The following PRSS12 variants were observed in gnomAD, a reference collection of about 807,000 sequenced individuals.
PRSS12 encodes neurotrypsin.
Under a neutral mutation model 104.4 loss-of-function variants are expected in PRSS12, and 85 were observed. The observed-to-expected ratio is 0.81, with a 90% CI of 0.68 to 0.98. The LOEUF (loss-of-function observed/expected upper bound fraction) is 0.98, where lower values mean the gene tolerates loss of function less well. Ranked by LOEUF, PRSS12 falls within the 50% of genes least tolerant of loss-of-function variation. The pLI, the probability that PRSS12 is intolerant of heterozygous loss-of-function variation, is 0.00. For synonymous variants in PRSS12, 454 were observed against 425.2 expected (o/e 1.07, Z -0.83); for missense variants, 1,141 against 1,139.2 (o/e 1.00, Z -0.02).
chr4:118,290,288 T>C (rs1395811374), intron 11 of PRSS12, among the ~76,000 whole-genome samples: 1 of 152,180 alleles, frequency 6.6e-6, no homozygotes, highest in African/African-American at 2.4e-5. Flanking sequence ...TAACCTCAAG[T>C]GCAACTTTTG....
intron 7 of PRSS12, among the ~76,000 whole-genome samples, chr4:118,309,834 T>C (rs1743659038): frequency 6.6e-6 from 1 of 152,188 alleles, no homozygotes; most frequent in Non-Finnish European, 1.5e-5. Context: ...TCAACATTGG[T>C]TAACTAAAAG....
chr4:118,295,647 G>A (rs1743236016), intron 10 of PRSS12, 131 bp downstream of exon 10: 1 of 870,992 alleles, frequency 1.1e-6, no homozygotes, highest in Admixed American at 2.0e-5. Context: ...AATTATCAGT[G>A]AAATCTGAAT....
intron 9 of PRSS12, among the ~76,000 whole-genome samples, chr4:118,297,279 A>C (rs577648235): frequency 6.6e-6 from 1 of 152,318 alleles, no homozygotes; most frequent in African/African-American, 2.4e-5. Context: ...GATATCAAAA[A>C]GAATATTGCT....
chr4:118,324,365 T>C (rs1232387036), intron 4 of PRSS12, among the ~76,000 whole-genome samples: 1 of 152,102 alleles, frequency 6.6e-6, no homozygotes, highest in African/African-American at 2.4e-5. Context: ...AATATTAATA[T>C]AACTTTCATA....
intron 7 of PRSS12, among the ~76,000 whole-genome samples, chr4:118,310,019 A>G (rs1743665382): frequency 6.6e-6 from 1 of 152,218 alleles, no homozygotes; most frequent in South Asian, 2.1e-4. Context: ...ATCAAACTCA[A>G]CAAATGTTTA....
At chr4:118,336,553 G>A (rs1388896435) in intron 2 of PRSS12, among the ~76,000 whole-genome samples, 15 of 151,988 alleles carry the variant, frequency 9.9e-5, no homozygotes, top group Admixed American at 3.3e-4. Flanking sequence ...TGATTTTATC[G>A]TGCAATTCCT....
chr4:118,315,747 A>T (rs1743888563), intron 6 of PRSS12, among the ~76,000 whole-genome samples: 1 of 152,240 alleles, frequency 6.6e-6, no homozygotes, highest in Non-Finnish European at 1.5e-5. Context: ...TTTTTCTCAA[A>T]TAAAAGTGAT....
intron 8 of PRSS12, among the ~76,000 whole-genome samples, chr4:118,306,172 T>C (rs1334669341): frequency 1.3e-5 from 2 of 152,212 alleles, no homozygotes; most frequent in Non-Finnish European, 1.5e-5. Context: ...GGCTGTACCA[T>C]TCTACATTCC....
Position 118,318,464 on chromosome 4 carries a change from G to GA in PRSS12, c.1063dup (p.Ser355PhefsTer3). On this transcript the variant is annotated frameshift_variant, in exon 5 of 13. Transcript: ENST00000296498. LOFTEE classifies it high-confidence loss of function. ...GGAGCTCTTTGGACACTGCTCAATT[G>GA]AAAGCTCATTCCCAGTGCAGCGTAC... 1 of 1,614,146 alleles carries GA rather than the reference G, an allele frequency of 6.2e-7. No homozygotes were observed. The highest frequency in any genetic ancestry group is 8.5e-7 in the Non-Finnish European group (1 of 1,180,022).
chr4:118,336,832 T>C (rs1278001115), intron 2 of PRSS12, among the ~76,000 whole-genome samples: 1 of 152,184 alleles, frequency 6.6e-6, no homozygotes, highest in East Asian at 1.9e-4. Flanking sequence ...ATTTATTACA[T>C]CTCTTGCCCC....
chr4:118,298,675 G>C (rs970455807), intron 9 of PRSS12, 58 bp downstream of exon 9: 1 of 1,458,672 alleles, frequency 6.9e-7, no homozygotes, highest in Admixed American at 1.7e-5. Context: ...ACTGCTTATA[G>C]TAATGGAATG....
intron 8 of PRSS12, among the ~76,000 whole-genome samples, chr4:118,300,388 A>C (rs1467785502): frequency 6.6e-6 from 1 of 152,170 alleles, no homozygotes; most frequent in Non-Finnish European, 1.5e-5. Context: ...TTAGTTTATT[A>C]ATTTTTTGTT....
At position 118,352,371 on chromosome 4, in the gene PRSS12, G is replaced by A; in HGVS notation, c.350C>T (p.Pro117Leu). 2 of 1,560,002 alleles carry A rather than the reference G, an allele frequency of 1.3e-6. No individual in the cohort carries two copies. Among genetic ancestry groups the A allele is most frequent in the East Asian group, 2.3e-5 (1 of 42,974 alleles). ...CGCTGGGGGCGACCGCTCCAGGAAG[G>A]GTGGCACCTCCGCCCACCGCAGACA... ...APCLRWAEVP[P>L]FLERSPPASW... The change falls in exon 1 of 13, where the codon CCC becomes CTC. Residue 117 changes from proline to leucine, a missense_variant. Physicochemically the swap from Pro to Leu is moderately conservative, Grantham distance 98. Transcript: ENST00000296498.
intron 11 of PRSS12, among the ~76,000 whole-genome samples, chr4:118,292,277 C>T (rs1743145382): frequency 6.6e-6 from 1 of 152,128 alleles, no homozygotes; most frequent in Non-Finnish European, 1.5e-5. Context: ...TCCACTTATT[C>T]TTCCCCATCA....
Position 118,316,338 on chromosome 4 carries a change from A to T in PRSS12, c.1151-15T>A. On this transcript the variant is annotated splice_polypyrimidine_tract_variant and intron_variant, in intron 5 of 12. Coordinates refer to ENST00000296498, the MANE Select transcript of PRSS12 (RefSeq NM_003619.4). ...GATGACCCCATCTGTGATAAAGAGG[A>T]GACACAGAGACTAAGCAAATCAACT... is the stretch of plus-strand genomic sequence containing the variant. 3 of 1,613,934 alleles carry T rather than the reference A, an allele frequency of 1.9e-6. No individual in the cohort carries two copies. The highest frequency in any genetic ancestry group is 2.5e-6 in the Non-Finnish European group (3 of 1,179,972).
In PRSS12 at chr4:118,316,205, C is replaced by A. The variant is rs1450255656; in HGVS notation, c.1269G>T (p.Val423=). 6.2e-7 allele frequency: 1 copy of A among 1,613,740 alleles called. No homozygotes were observed. Among genetic ancestry groups the A allele is most frequent in the Admixed American group, 1.7e-5 (1 of 59,944 alleles). The change falls in exon 6 of 13, where the codon GTG becomes GTT. Residue 423 remains valine (V), a synonymous_variant. Coordinates refer to ENST00000296498, the MANE Select transcript of PRSS12 (RefSeq NM_003619.4). Reference sequence around the variant, plus strand: ...ACTTAAATCCCAATTGTCGACAAACCACGTATGTATTCAGCTCAGTCCAGC... The same window carrying A: ...ACTTAAATCCCAATTGTCGACAAACAACGTATGTATTCAGCTCAGTCCAGC... ...DDGWTELNTY[V]VCRQLGFKYG... is the part of the protein sequence containing the mutation.
At chr4:118,291,487 C>G (rs1743126205) in intron 11 of PRSS12, among the ~76,000 whole-genome samples, 1 of 152,146 alleles carries the variant, frequency 6.6e-6, no homozygotes, top group South Asian at 2.1e-4. Flanking sequence ...CAACAGAAAA[C>G]TCTTTTTTGT....
chr4:118,285,426 TA>T (rs1742991446), intron 11 of PRSS12, among the ~76,000 whole-genome samples: 1 of 152,196 alleles, frequency 6.6e-6, no homozygotes, highest in South Asian at 2.1e-4. Context: ...ATATTTAAAG[TA>T]AAACCCCAAA....
At chr4:118,285,894 T>A (rs1272905085) in intron 11 of PRSS12, among the ~76,000 whole-genome samples, 1 of 152,318 alleles carries the variant, frequency 6.6e-6, no homozygotes, top group Non-Finnish European at 1.5e-5. Flanking sequence ...AAGAAACAGC[T>A]GTGACGCTTG....
Sources: gnomAD v4.1 joint callset for allele counts (sites outside exome capture counted in the v4.1 genomes callset) on GRCh38, gnomAD v4.1.1 for gene constraint, MANE v1.5 for transcripts, NCBI Gene and HGNC (gene_info 2026-07-23, HGNC 2026-07-21) for gene names.